The following BCAR3 variants were observed in gnomAD, a reference collection of about 807,000 sequenced individuals.
The protein encoded by BCAR3 is breast cancer anti-estrogen resistance protein 3.
In BCAR3, 37 loss-of-function variants were observed where a neutral mutation model predicts 80.1. The observed-to-expected ratio is 0.46, with a 90% CI of 0.36 to 0.61. The LOEUF (loss-of-function observed/expected upper bound fraction) is 0.61, where lower values mean the gene tolerates loss of function less well. Ranked by LOEUF, BCAR3 falls within the 20% of genes least tolerant of loss-of-function variation. The pLI is 0.00. For synonymous variants in BCAR3, 389 were observed against 418.9 expected, an observed-to-expected ratio of 0.93 and a Z score of 0.87; for missense variants, 978 against 1,068.2, an observed-to-expected ratio of 0.92 and a Z score of 1.18.
intron 2 of BCAR3, among the ~76,000 whole-genome samples, chr1:93,723,855 G>A (rs1214471092): frequency 1.3e-5 from 2 of 152,264 alleles, no homozygotes; most frequent in South Asian, 2.1e-4. Context: ...CTTGGTAAAG[G>A]CGGATGGGTT....
chr1:93,640,511 T>A (rs1402959370), intron 3 of BCAR3, among the ~76,000 whole-genome samples: 1 of 152,156 alleles, frequency 6.6e-6, no homozygotes, highest in Non-Finnish European at 1.5e-5. Context: ...AAGGGTACCC[T>A]TCGGAATACC....
chr1:93,589,180 G>C lies in BCAR3; in HGVS notation c.726C>G (p.Ser242=). 8.7e-6 allele frequency: 14 copies of C among 1,613,860 alleles called. No homozygotes were observed. The highest frequency in any genetic ancestry group is 1.2e-5 in the Non-Finnish European group (14 of 1,179,974). Residue 242 remains serine (S), a synonymous_variant, in exon 5 of 12, where the codon TCC becomes TCG. Coordinates refer to ENST00000260502, the MANE Select transcript of BCAR3 (RefSeq NM_003567.4). ...RCYVGNRRPI[S]QQSGAIIFQP... is the part of the protein sequence containing the mutation. ...GGAAGATGATGGCGCCACTCTGCTGGGAGATGGGCCGGCGGTTGCCCACGT... is the reference window on the plus strand; with the variant it reads ...GGAAGATGATGGCGCCACTCTGCTGCGAGATGGGCCGGCGGTTGCCCACGT...
chr1:93,715,275 T>A (rs1650157937), intron 2 of BCAR3, among the ~76,000 whole-genome samples: 1 of 152,274 alleles, frequency 6.6e-6, no homozygotes, highest in South Asian at 2.1e-4. Context: ...TTTGAACAGT[T>A]AATTATCTTT....
At chr1:93,723,753 C>G (rs1252162879) in intron 2 of BCAR3, among the ~76,000 whole-genome samples, 2 of 152,092 alleles carry the variant, frequency 1.3e-5, no homozygotes, top group Non-Finnish European at 2.9e-5. Context: ...ATCTAGGAGG[C>G]AGGCAAAGGA....
chr1:93,784,762 G>C (rs1331236366), intron 2 of BCAR3, among the ~76,000 whole-genome samples: 1 of 152,214 alleles, frequency 6.6e-6, no homozygotes, highest in East Asian at 1.9e-4. Context: ...TGTGACATTA[G>C]GAATATTGAG....
intron 2 of BCAR3, among the ~76,000 whole-genome samples, chr1:93,744,381 A>G (rs1379289559): frequency 1.3e-5 from 2 of 152,210 alleles, no homozygotes; most frequent in African/African-American, 2.4e-5. Context: ...AGAGGTAGTC[A>G]TATTGAGAAG....
intron 3 of BCAR3, among the ~76,000 whole-genome samples, chr1:93,600,232 T>C (rs1674578676): frequency 6.6e-6 from 1 of 152,244 alleles, no homozygotes; most frequent in South Asian, 2.1e-4. Flanking sequence ...AATCCTGAGC[T>C]TTAAGCACCA....
intron 2 of BCAR3, among the ~76,000 whole-genome samples, chr1:93,674,235 G>A (rs570167563): frequency 2.1e-4 from 32 of 152,198 alleles, no homozygotes; most frequent in African/African-American, 5.1e-4. Flanking sequence ...TTAATTATTC[G>A]CTCAACTTTG....
chr1:93,638,099 A>G (rs1189469762), intron 3 of BCAR3, among the ~76,000 whole-genome samples: 1 of 152,232 alleles, frequency 6.6e-6, no homozygotes, highest in Non-Finnish European at 1.5e-5. Context: ...AATACAAAAA[A>G]TTAGCCAGCT....
At chr1:93,697,679 C>T (rs1250656102) in intron 3 of BCAR3, among the ~76,000 whole-genome samples, 2 of 152,148 alleles carry the variant, frequency 1.3e-5, no homozygotes, top group Non-Finnish European at 2.9e-5. Context: ...GGTCACAAGC[C>T]CCTTTAAAGA....
intron 1 of BCAR3, among the ~76,000 whole-genome samples, chr1:93,846,320 TGTGG>T (rs1655177362): frequency 2.0e-5 from 3 of 152,158 alleles, no homozygotes; most frequent in Non-Finnish European, 4.4e-5. Flanking sequence ...AGAAACGGGC[TGTGG>T]CCGAGCCGAG....
Position 93,589,255 on chromosome 1 carries a change from G to A in BCAR3, c.651C>T (p.Tyr217=), listed in dbSNP as rs141828990. 57 of 1,614,044 alleles carry A rather than the reference G, an allele frequency of 3.5e-5. No individual in the cohort carries two copies. The highest frequency in any genetic ancestry group is 4.5e-5 in the Non-Finnish European group (53 of 1,180,036). Residue 217 remains tyrosine, a synonymous_variant, in exon 5 of 12, where the codon TAC becomes TAT. Transcript: ENST00000260502. ...RLSEAYSRVQ[Y]QFEMESFDSI... is the part of the protein sequence containing the mutation. ...AGTCGAAGCTCTCCATCTCGAACTG[G>A]TACTGCACGCGGCTGTAGGCCTCGC...
intron 3 of BCAR3, among the ~76,000 whole-genome samples, chr1:93,630,403 C>A (rs1032428870): frequency 6.6e-6 from 1 of 151,644 alleles, no homozygotes; most frequent in African/African-American, 2.4e-5. Context: ...GCAGGCGAAT[C>A]ACTTGAGCTC....
At chr1:93,585,247 C>A (rs1673895964) in intron 5 of BCAR3, 1 of 980,076 alleles carries the variant, frequency 1.0e-6, no homozygotes, top group Non-Finnish European at 1.2e-6. Flanking sequence ...GCAGGTGGCA[C>A]CTGGCCAGAG....
At chr1:93,715,963 C>G (rs1650175918) in intron 2 of BCAR3, among the ~76,000 whole-genome samples, 1 of 152,220 alleles carries the variant, frequency 6.6e-6, no homozygotes, top group Non-Finnish European at 1.5e-5. Flanking sequence ...CATCCACCAA[C>G]CCTGCCAAGT....
chr1:93,666,956 G>A (rs1041400271), intron 2 of BCAR3, among the ~76,000 whole-genome samples: 1 of 152,132 alleles, frequency 6.6e-6, no homozygotes, highest in African/African-American at 2.4e-5. Context: ...AGCCTTCCAG[G>A]AGGAAGGAAG....
At chr1:93,735,047 A>T (rs568525796) in intron 2 of BCAR3, among the ~76,000 whole-genome samples, 1 of 152,298 alleles carries the variant, frequency 6.6e-6, no homozygotes, top group Admixed American at 6.5e-5. Flanking sequence ...TGAGGCAGGG[A>T]TGGTGCCTAT....
intron 2 of BCAR3, among the ~76,000 whole-genome samples, chr1:93,762,395 C>T (rs1651979715): frequency 6.6e-6 from 1 of 152,206 alleles, no homozygotes; most frequent in East Asian, 1.9e-4. Context: ...CAAGGCTCCC[C>T]ATCATGGTGA....
chr1:93,704,028 C>G (rs1649742194), intron 3 of BCAR3, among the ~76,000 whole-genome samples: 1 of 152,210 alleles, frequency 6.6e-6, no homozygotes, highest in East Asian at 1.9e-4. Flanking sequence ...GCTGAATAGC[C>G]AATGTGGCTA....
Sources: gnomAD v4.1 joint callset for allele counts (sites outside exome capture counted in the v4.1 genomes callset) on GRCh38, gnomAD v4.1.1 for gene constraint, MANE v1.5 for transcripts, NCBI Gene and HGNC (gene_info 2026-07-23, HGNC 2026-07-21) for gene names.